Variants in HHAT observed in about 807,000 individuals in gnomAD.
HHAT encodes the protein protein-cysteine N-palmitoyltransferase HHAT.
A neutral mutation model predicts 70.8 loss-of-function variants in HHAT; 47 were observed. That is an observed-to-expected ratio of 0.66 (90% CI 0.53 to 0.85). The LOEUF is 0.85. HHAT is among the 40% of genes least tolerant of loss of function. The pLI is 0.00. For synonymous variants in HHAT, 228 were observed against 247.6 expected, an observed-to-expected ratio of 0.92 and a Z score of 0.74; for missense variants, 609 against 604.8, an observed-to-expected ratio of 1.01 and a Z score of -0.07.
chr1:210,410,589 C>T (rs537954898), intron 6 of HHAT, among the ~76,000 whole-genome samples: 3 of 142,248 alleles, frequency 2.1e-5, no homozygotes, highest in South Asian at 2.3e-4. Flanking sequence ...TGCAGTGGCA[C>T]GATCTTGGCT....
intron 9 of HHAT, among the ~76,000 whole-genome samples, chr1:210,578,044 T>C (rs146695959): frequency 6.6e-6 from 1 of 152,324 alleles, no homozygotes; most frequent in East Asian, 1.9e-4. Context: ...TTCAGTTCTT[T>C]TGATGAGTTG....
chr1:210,465,709 C>T (rs1350429214), intron 8 of HHAT, among the ~76,000 whole-genome samples: 2 of 152,154 alleles, frequency 1.3e-5, no homozygotes, highest in Non-Finnish European at 2.9e-5. Context: ...CTAATGTTGC[C>T]ATTCAAAAGG....
At chr1:210,583,246 G>A (rs140556816) in intron 9 of HHAT, among the ~76,000 whole-genome samples, 1 of 152,318 alleles carries the variant, frequency 6.6e-6, no homozygotes, top group East Asian at 1.9e-4. Context: ...GTGGTGCATT[G>A]ATTCAGTGAG....
At chr1:210,427,193 T>C (rs2093089669) in intron 7 of HHAT, among the ~76,000 whole-genome samples, 1 of 152,308 alleles carries the variant, frequency 6.6e-6, no homozygotes, top group East Asian at 1.9e-4. Flanking sequence ...TTGTTTCTTA[T>C]TGTGTTCATT....
In HHAT at chr1:210,558,016, T is replaced by A. The variant is rs141282003; in HGVS notation, c.1044-29882T>A. 9.8e-5 allele frequency among the ~76,000 whole-genome samples: 15 copies of A among 152,318 alleles called. No individual in the cohort carries two copies. In the East Asian group the frequency reaches 2.9e-3, roughly 29 times the overall value. ...TTCAGTGGTATCCTGGAAAAGTGGC[T>A]ACACTTTAAAAAGAACTGGATCCCT... is the stretch of plus-strand genomic sequence containing the variant. On this transcript the variant is annotated intron_variant, in intron 9 of 11. Transcript: ENST00000261458.
intron 8 of HHAT, among the ~76,000 whole-genome samples, chr1:210,501,916 C>T (rs1293085219): frequency 1.3e-5 from 2 of 151,996 alleles, no homozygotes; most frequent in Non-Finnish European, 2.9e-5. Flanking sequence ...CTCTGACCAT[C>T]TTATTGGATG....
At chr1:210,437,497 G>A (rs1240464168) in intron 7 of HHAT, among the ~76,000 whole-genome samples, 6 of 151,754 alleles carry the variant, frequency 4.0e-5, no homozygotes, top group Non-Finnish European at 7.3e-5. Context: ...ATAGAAAACC[G>A]GCAAATTAGG....
upstream of HHAT, among the ~76,000 whole-genome samples, chr1:210,328,024 C>T (rs557439319): frequency 5.9e-5 from 9 of 152,264 alleles, no homozygotes; most frequent in Non-Finnish European, 1.3e-4. Context: ...ATAATCCTCT[C>T]GACCATTACA....
At chr1:210,363,930 G>A (rs2088627511) in intron 3 of HHAT, among the ~76,000 whole-genome samples, 1 of 152,124 alleles carries the variant, frequency 6.6e-6, no homozygotes, top group South Asian at 2.1e-4. Flanking sequence ...TTCCAAGTTG[G>A]GTACTGCCTG....
At chr1:210,535,044 G>T (rs185070038) in intron 9 of HHAT, among the ~76,000 whole-genome samples, 1 of 152,096 alleles carries the variant, frequency 6.6e-6, no homozygotes, top group African/African-American at 2.4e-5. Flanking sequence ...TCTTAACCAG[G>T]CTTCCTGACC....
At chr1:210,487,989 A>G (rs964348338) in intron 8 of HHAT, among the ~76,000 whole-genome samples, 3 of 152,168 alleles carry the variant, frequency 2.0e-5, no homozygotes, top group Admixed American at 2.0e-4. Context: ...CTCAGATGAT[A>G]CATTAGTTTC....
chr1:210,396,149 A>AT (rs144980196), intron 4 of HHAT, among the ~76,000 whole-genome samples: 1,858 of 152,308 alleles, frequency 0.012, 43 homozygotes, highest in African/African-American at 0.042. Flanking sequence ...TGCTGTAAAA[A>AT]TAGAGTATAC....
intron 2 of HHAT, among the ~76,000 whole-genome samples, chr1:210,350,607 G>A (rs1490789480): frequency 1.3e-5 from 2 of 152,128 alleles, no homozygotes; most frequent in Non-Finnish European, 2.9e-5. Flanking sequence ...AATTGATTTT[G>A]TTATAGCAAT....
At chr1:210,463,720 G>T (rs917416989) in intron 7 of HHAT, among the ~76,000 whole-genome samples, 1 of 152,100 alleles carries the variant, frequency 6.6e-6, no homozygotes, top group Non-Finnish European at 1.5e-5. Flanking sequence ...ATCATTTGGG[G>T]AACCACCAGA....
At chr1:210,586,711 G>T (rs1660524309) in intron 9 of HHAT, among the ~76,000 whole-genome samples, 1 of 152,126 alleles carries the variant, frequency 6.6e-6, no homozygotes, top group South Asian at 2.1e-4. Context: ...CCTGGAGGAA[G>T]GTTGGACAAA....
At chr1:210,662,115 T>A (rs952307913) in intron 11 of HHAT, among the ~76,000 whole-genome samples, 12 of 152,240 alleles carry the variant, frequency 7.9e-5, no homozygotes, top group African/African-American at 2.9e-4. Context: ...GTCTCTGTTA[T>A]CTTTGTTGTC....
At chr1:210,579,016 A>ATG (rs561570848) in intron 9 of HHAT, among the ~76,000 whole-genome samples, 1 of 152,334 alleles carries the variant, frequency 6.6e-6, no homozygotes, top group South Asian at 2.1e-4. Flanking sequence ...AAGAACATGG[A>ATG]TGGAGCTGGA....
intron 11 of HHAT, among the ~76,000 whole-genome samples, chr1:210,660,525 A>G (rs1201950014): frequency 2.0e-5 from 3 of 152,246 alleles, no homozygotes; most frequent in African/African-American, 7.2e-5. Context: ...ATCCCCATCA[A>G]GGTACCAATG....
intron 9 of HHAT, among the ~76,000 whole-genome samples, chr1:210,582,847 A>C (rs2148771856): frequency 6.6e-6 from 1 of 152,362 alleles, no homozygotes; most frequent in East Asian, 1.9e-4. Flanking sequence ...TCTGACACTG[A>C]ACAGTGGCTA....
Sources: gnomAD v4.1 joint callset for allele counts (sites outside exome capture counted in the v4.1 genomes callset) on GRCh38, gnomAD v4.1.1 for gene constraint, MANE v1.5 for transcripts, NCBI Gene and HGNC (gene_info 2026-07-23, HGNC 2026-07-21) for gene names.